The following CHLSN variants were observed in gnomAD, a reference collection of about 807,000 sequenced individuals.
The protein encoded by CHLSN is cholesin, also known as protein cholesin.
the CHLSN span, among the ~76,000 whole-genome samples, chr7:987,805 G>C: frequency 6.6e-6 from 1 of 151,954 alleles, no homozygotes; most frequent in Non-Finnish European, 1.5e-5. Context: ...ATGTGTCCTA[G>C]GCGATCCCCT....
At chr7:1,045,227 C>G in the CHLSN span, 2 of 152,242 alleles carry the variant, frequency 1.3e-5, no homozygotes, top group Non-Finnish European at 2.9e-5. Flanking sequence ...AGTCAGTTCT[C>G]TAAATTAGGC....
the CHLSN span, among the ~76,000 whole-genome samples, chr7:1,016,922 GCA>G: frequency 7.8e-6 from 1 of 128,620 alleles, no homozygotes; most frequent in East Asian, 2.1e-4. Context: ...GCGCACAGCA[GCA>G]CACAGCAGCA....
At chr7:1,066,393 G>C in the CHLSN span, among the ~76,000 whole-genome samples, 1 of 152,240 alleles carries the variant, frequency 6.6e-6, no homozygotes, top group South Asian at 2.1e-4. Flanking sequence ...ACAGATGCCA[G>C]CTCCGGGCCA....
chr7:1,024,523 CTTT>C, the CHLSN span: 3 of 152,218 alleles, frequency 2.0e-5, no homozygotes, highest in Non-Finnish European at 2.9e-5. Flanking sequence ...ACATTAGAAA[CTTT>C]TTATTTCTGC....
chr7:1,089,322 T>A, the CHLSN span, among the ~76,000 whole-genome samples: 29 of 152,348 alleles, frequency 1.9e-4, no homozygotes, highest in African/African-American at 6.7e-4. Context: ...ACTTTTAGAA[T>A]AACTGACACA....
At chr7:1,020,177 C>T in the CHLSN span, among the ~76,000 whole-genome samples, 2 of 152,246 alleles carry the variant, frequency 1.3e-5, no homozygotes, top group Non-Finnish European at 2.9e-5. Context: ...TGCCCTGGTC[C>T]CCACGACTGT....
chr7:1,131,741 G>A, the CHLSN span, among the ~76,000 whole-genome samples: 1 of 152,152 alleles, frequency 6.6e-6, no homozygotes, highest in East Asian at 1.9e-4. Context: ...TAAAAGTTAA[G>A]TAAAATCTAT....
At chr7:1,059,440 C>CG in the CHLSN span, among the ~76,000 whole-genome samples, 1 of 151,866 alleles carries the variant, frequency 6.6e-6, no homozygotes, top group Admixed American at 6.6e-5. Context: ...GGGCCCGGAC[C>CG]GGCCTGTTCC....
the CHLSN span, among the ~76,000 whole-genome samples, chr7:1,005,162 A>G: frequency 6.6e-6 from 1 of 152,176 alleles, no homozygotes; most frequent in Non-Finnish European, 1.5e-5. Flanking sequence ...GTGGTGTCGG[A>G]TGCCTGTAAT....
the CHLSN span, among the ~76,000 whole-genome samples, chr7:1,097,683 T>A: frequency 6.6e-6 from 1 of 152,142 alleles, no homozygotes; most frequent in Non-Finnish European, 1.5e-5. This position sits in a 1 kb window ranked among gnomAD's most constrained non-coding sequence, Gnocchi z 4.3. Context: ...CCCCCACGGA[T>A]GGCTCATTAG....
At chr7:995,276 C>T in the CHLSN span, among the ~76,000 whole-genome samples, 11 of 152,346 alleles carry the variant, frequency 7.2e-5, no homozygotes, top group East Asian at 1.7e-3. Flanking sequence ...CGCCACCCTT[C>T]GGCATCTTTC....
chr7:988,487 C>A, the CHLSN span: 6 of 1,601,748 alleles, frequency 3.7e-6, no homozygotes, highest in Admixed American at 1.7e-5. Context: ...GCCCCAGCTC[C>A]GCCTGCCGCC....
At chr7:980,132 C>T in the CHLSN span, among the ~76,000 whole-genome samples, 150 of 152,318 alleles carry the variant, frequency 9.8e-4, no homozygotes, top group African/African-American at 3.4e-3. Context: ...CTCTGGAAGC[C>T]GCCATCTGCC....
At chr7:1,047,321 T>C in the CHLSN span, among the ~76,000 whole-genome samples, 1 of 152,218 alleles carries the variant, frequency 6.6e-6, no homozygotes, top group Non-Finnish European at 1.5e-5. Flanking sequence ...TCTTTGTTTA[T>C]AGTCTAAGCC....
the CHLSN span, among the ~76,000 whole-genome samples, chr7:982,730 G>A: frequency 1.3e-5 from 2 of 152,230 alleles, no homozygotes; most frequent in Non-Finnish European, 2.9e-5. Flanking sequence ...GAGAAGAGCT[G>A]GGTGCACACG....
At chr7:1,116,859 G>A in the CHLSN span, among the ~76,000 whole-genome samples, 259 of 26,522 alleles carry the variant, frequency 9.8e-3, no homozygotes, top group Admixed American at 0.013. Context: ...TGACATGACT[G>A]CAGCTCTACG....
chr7:1,069,531 G>C, the CHLSN span, among the ~76,000 whole-genome samples: 1 of 141,124 alleles, frequency 7.1e-6, no homozygotes, highest in African/African-American at 2.8e-5. Context: ...GACTGGTTTT[G>C]GTGGAGACCG....
the CHLSN span, chr7:997,763 C>T: frequency 1.1e-5 from 17 of 1,610,046 alleles, no homozygotes; most frequent in African/African-American, 5.4e-5. Flanking sequence ...CCTGCAGCCC[C>T]TCCAGGTAGG....
At chr7:1,120,778 A>G in the CHLSN span, among the ~76,000 whole-genome samples, 1 of 145,896 alleles carries the variant, frequency 6.9e-6, no homozygotes, top group Non-Finnish European at 1.6e-5. Context: ...ATTCCGCACC[A>G]TGGACTATTT....
Sources: allele counts gnomAD v4.1 joint callset (sites outside exome capture counted in the v4.1 genomes callset), GRCh38; gene constraint gnomAD v4.1.1; non-coding constraint Gnocchi (gnomAD v3.1); transcripts MANE v1.5; gene names NCBI Gene and HGNC (gene_info 2026-07-23, HGNC 2026-07-21).